The following SLC24A2 variants were observed in gnomAD, a reference collection of about 807,000 sequenced individuals.
SLC24A2 encodes solute carrier family 24 member 2.
A neutral mutation model predicts 62.0 loss-of-function variants in SLC24A2; 36 were observed. The observed-to-expected ratio is 0.58, with a 90% CI of 0.44 to 0.77. SLC24A2 has a LOEUF of 0.77. Ranked by LOEUF, SLC24A2 falls within the 30% of genes least tolerant of loss-of-function variation. The pLI, the probability that SLC24A2 is intolerant of heterozygous loss-of-function variation, is 0.00. For missense variants in SLC24A2, 846 were observed against 817.9 expected (o/e 1.03, Z -0.42); for synonymous variants, 358 against 294.0 (o/e 1.22, Z -2.23).
At chr9:19,611,847 C>T (rs111916273) in intron 4 of SLC24A2, among the ~76,000 whole-genome samples, 2 of 152,120 alleles carry the variant, frequency 1.3e-5, no homozygotes, top group Admixed American at 6.5e-5. Context: ...TATGGAGTTA[C>T]ATAATGTGGT....
At chr9:19,577,139 T>C (rs750148869) in intron 5 of SLC24A2, 117 bp from the exon 6 acceptor site, 83 of 821,542 alleles carry the variant, frequency 1.0e-4, no homozygotes, top group Non-Finnish European at 1.7e-4. Flanking sequence ...CACTCCATTC[T>C]GTCCAACCCC....
At chr9:19,816,563 A>G in the SLC24A2 span, among the ~76,000 whole-genome samples, 16 of 152,122 alleles carry the variant, frequency 1.1e-4, no homozygotes, top group Admixed American at 3.3e-4. Flanking sequence ...AGACTGGGTA[A>G]TTTATAAGAA....
the SLC24A2 span, among the ~76,000 whole-genome samples, chr9:19,911,473 G>C: frequency 1.3e-5 from 2 of 152,084 alleles, no homozygotes; most frequent in Non-Finnish European, 2.9e-5. Context: ...TCTAGTTCTA[G>C]ATCCCTGAGG....
chr9:19,753,160 C>T (rs1822035880), intron 2 of SLC24A2, among the ~76,000 whole-genome samples: 1 of 152,150 alleles, frequency 6.6e-6, no homozygotes, highest in African/African-American at 2.4e-5. Flanking sequence ...CGTTTGAAGT[C>T]CCCAGACCAC....
the SLC24A2 span, among the ~76,000 whole-genome samples, chr9:20,102,101 C>T: frequency 6.6e-6 from 1 of 152,148 alleles, no homozygotes; most frequent in Non-Finnish European, 1.5e-5. Flanking sequence ...GGGTACTCAC[C>T]CATGGCCAGA....
chr9:19,764,309 C>T (rs1055959768), intron 2 of SLC24A2, among the ~76,000 whole-genome samples: 3 of 152,038 alleles, frequency 2.0e-5, no homozygotes, highest in African/African-American at 7.2e-5. Flanking sequence ...CTGTCTTTAT[C>T]TTCTTCAGTT....
intron 2 of SLC24A2, among the ~76,000 whole-genome samples, chr9:19,658,389 C>T (rs755943858): frequency 8.5e-5 from 13 of 152,060 alleles, no homozygotes; most frequent in African/African-American, 1.5e-4. Context: ...TACCTGTACC[C>T]CTCACTTGTG....
chr9:20,187,719 G>A, the SLC24A2 span, among the ~76,000 whole-genome samples: 1 of 152,116 alleles, frequency 6.6e-6, no homozygotes, highest in Non-Finnish European at 1.5e-5. Context: ...TTAGCTAGGT[G>A]CATTCCTTTG....
the SLC24A2 span, among the ~76,000 whole-genome samples, chr9:20,030,185 T>C: frequency 3.9e-5 from 6 of 152,284 alleles, no homozygotes; most frequent in Admixed American, 3.3e-4. Flanking sequence ...AGGCAGGACA[T>C]TGAGTGACTT....
chr9:19,795,573 G>GT, the SLC24A2 span, among the ~76,000 whole-genome samples: 60 of 151,686 alleles, frequency 4.0e-4, no homozygotes, highest in East Asian at 1.5e-3. Flanking sequence ...GTTTTTTAAA[G>GT]TTTTTTTTTC....
the SLC24A2 span, among the ~76,000 whole-genome samples, chr9:20,176,894 CA>C: frequency 8.8e-6 from 1 of 113,602 alleles, no homozygotes; most frequent in Non-Finnish European, 1.9e-5. Context: ...AAACTTCTAA[CA>C]GTTATCTAAA....
At chr9:20,215,664 A>G in the SLC24A2 span, among the ~76,000 whole-genome samples, 1 of 152,072 alleles carries the variant, frequency 6.6e-6, no homozygotes, top group Non-Finnish European at 1.5e-5. Flanking sequence ...TACTATTTCT[A>G]TCAGTAAGCT....
In SLC24A2 at chr9:19,520,983, A is replaced by T; in HGVS notation, c.1647T>A (p.Leu549=). The change falls in exon 10 of 11, where the codon CTT becomes CTA. Residue 549 remains leucine (L), a synonymous_variant. Coordinates refer to ENST00000341998, the MANE Select transcript of SLC24A2 (RefSeq NM_020344.4). Reference sequence around the variant, plus strand: ...TCCGGGCCACTATGACACTGGTGATAAGATCAGGGATGGAGGTCCCAGCAG... The same window carrying T: ...TCCGGGCCACTATGACACTGGTGATTAGATCAGGGATGGAGGTCCCAGCAG... ...ILAAGTSIPD[L]ITSVIVARKG... 6.2e-7 allele frequency: 1 copy of T among 1,614,082 alleles called. No homozygotes were observed. The highest frequency in any genetic ancestry group is 8.5e-7 in the Non-Finnish European group (1 of 1,179,972).
chr9:20,025,344 T>A, the SLC24A2 span, among the ~76,000 whole-genome samples: 1 of 152,076 alleles, frequency 6.6e-6, no homozygotes, highest in South Asian at 2.1e-4. Flanking sequence ...GGTAAATCAA[T>A]AAATGAATAA....
chr9:20,163,928 T>C, the SLC24A2 span, among the ~76,000 whole-genome samples: 4 of 152,096 alleles, frequency 2.6e-5, no homozygotes, highest in African/African-American at 9.7e-5. Flanking sequence ...TGGCTAGCCA[T>C]ATGGAGAAAG....
chr9:19,596,320 A>T (rs1163023311), intron 5 of SLC24A2, among the ~76,000 whole-genome samples: 10 of 152,182 alleles, frequency 6.6e-5, no homozygotes, highest in Admixed American at 3.3e-4. Flanking sequence ...CTGTGAGGGT[A>T]CCTTTCCATT....
chr9:19,844,889 A>G, the SLC24A2 span, among the ~76,000 whole-genome samples: 1 of 149,876 alleles, frequency 6.7e-6, no homozygotes, highest in East Asian at 1.9e-4. Context: ...CTGTTTTTGT[A>G]CCAGTACCAT....
At chr9:19,849,508 T>C in the SLC24A2 span, among the ~76,000 whole-genome samples, 36 of 152,190 alleles carry the variant, frequency 2.4e-4, no homozygotes, top group African/African-American at 7.7e-4. Flanking sequence ...ATTGTACTAC[T>C]ATTACATTTA....
the SLC24A2 span, among the ~76,000 whole-genome samples, chr9:20,081,474 G>C: frequency 9.3e-6 from 1 of 107,944 alleles, no homozygotes; most frequent in East Asian, 3.2e-4. Flanking sequence ...ACTGGGGCTT[G>C]TTGAGGGGTG....
Sources: allele counts gnomAD v4.1 joint callset (sites outside exome capture counted in the v4.1 genomes callset), GRCh38; gene constraint gnomAD v4.1.1; transcripts MANE v1.5; gene names NCBI Gene and HGNC (gene_info 2026-07-23, HGNC 2026-07-21).